DYSF: variants seen among roughly 807,000 people sequenced by gnomAD.
DYSF encodes dystrophy-associated fer-1-like 1.
In DYSF, 212 loss-of-function variants were observed where a neutral mutation model predicts 274.9. The observed-to-expected ratio is 0.77, with a 90% confidence interval of 0.69 to 0.86. DYSF has a LOEUF of 0.86. DYSF is among the 40% of genes least tolerant of loss of function. DYSF has a pLI of 0.00. For missense variants in DYSF, 2,666 were observed against 2,783.2 expected, an observed-to-expected ratio of 0.96 and a Z score of 0.95; for synonymous variants, 1,091 against 1,078.7, an observed-to-expected ratio of 1.01 and a Z score of -0.22.
In DYSF at chr2:71,615,219, G is replaced by A. The variant is rs1161862119; in HGVS notation, c.4464+1809G>A. Among the ~76,000 whole-genome samples, 2 of 152,186 alleles carry A rather than the reference G, an allele frequency of 1.3e-5. No individual in the cohort carries two copies. The highest frequency in any genetic ancestry group is 6.5e-5 in the Admixed American group (1 of 15,282). ...CATGAGGGAACTGGGGCTGGGATCT[G>A]AGCCAGAGCTGGGCCTGTGCTGTTT... On this transcript the variant is annotated intron_variant, in intron 40 of 55. Coordinates refer to ENST00000410020, the MANE Select transcript of DYSF (RefSeq NM_001130987.2). The surrounding 1 kb of genome is among the most constrained non-coding windows in gnomAD (Gnocchi z 4.9).
chr2:71,468,845 C>T (rs186544815), intron 1 of DYSF, among the ~76,000 whole-genome samples: 2 of 152,350 alleles, frequency 1.3e-5, no homozygotes, highest in Admixed American at 1.3e-4. Context: ...GAGCAGTGAC[C>T]TGTCCTATTT....
At chr2:71,589,736 A>G (rs2093195883) in intron 31 of DYSF, 50 bp downstream of exon 31, 10 of 1,514,446 alleles carry the variant, frequency 6.6e-6, no homozygotes, top group Non-Finnish European at 8.3e-6. Context: ...GTGTCACCTT[A>G]TGCTTCTGTT....
At chr2:71,584,012 C>T (rs1430124705) in intron 30 of DYSF, among the ~76,000 whole-genome samples, 7 of 152,216 alleles carry the variant, frequency 4.6e-5, no homozygotes, top group Non-Finnish European at 8.8e-5. Context: ...GGACAAGCAG[C>T]AAGATCCCTT....
chr2:71,566,902 T>C lies in DYSF; in HGVS notation c.2566-1049T>C, dbSNP rs576679687. Among the ~76,000 whole-genome samples, 5 of 152,314 alleles carry C rather than the reference T, an allele frequency of 3.3e-5. No individual in the cohort carries two copies. In the East Asian group the frequency reaches 9.7e-4, roughly 29 times the overall value. On this transcript the variant is annotated intron_variant, in intron 24 of 55. Transcript: ENST00000410020. Reference sequence around the variant, plus strand: ...GTCCTCTGCCCCTTCCTGAGCCTCCTACCTGCCCTGGGCTCTCCCTCCAGG... The same window carrying C: ...GTCCTCTGCCCCTTCCTGAGCCTCCCACCTGCCCTGGGCTCTCCCTCCAGG...
chr2:71,560,860 T>G (rs1573994394), intron 22 of DYSF, among the ~76,000 whole-genome samples: 1 of 149,852 alleles, frequency 6.7e-6, no homozygotes. Context: ...GTCAAGGGGG[T>G]GAGGTGGGGG....
intron 42 of DYSF, among the ~76,000 whole-genome samples, chr2:71,648,859 T>C (rs1468601925): frequency 1.3e-5 from 2 of 152,016 alleles, no homozygotes; most frequent in Non-Finnish European, 2.9e-5. Context: ...TGATATAAGA[T>C]CATCAAAGAA....
intron 27 of DYSF, 89 bp from the exon 28 acceptor site, chr2:71,570,140 A>T (rs2092333941): frequency 1.6e-6 from 2 of 1,242,334 alleles, no homozygotes; most frequent in Non-Finnish European, 2.4e-6. Flanking sequence ...GACTTGGAGG[A>T]CGTATGTTGT....
chr2:71,487,425 G>A (rs1251636754), intron 3 of DYSF, among the ~76,000 whole-genome samples: 2 of 152,140 alleles, frequency 1.3e-5, no homozygotes, highest in Non-Finnish European at 2.9e-5. Flanking sequence ...GCAGGAGTCA[G>A]CACTTTTGGA....
chr2:71,537,720 G>A (rs1259684720), intron 16 of DYSF, among the ~76,000 whole-genome samples: 1 of 152,202 alleles, frequency 6.6e-6, no homozygotes, highest in East Asian at 1.9e-4. Flanking sequence ...GCAGAGATTA[G>A]GGTACCTTGT....
At chr2:71,546,334 G>A (rs569485216) in intron 17 of DYSF, among the ~76,000 whole-genome samples, 1 of 152,336 alleles carries the variant, frequency 6.6e-6, no homozygotes, top group African/African-American at 2.4e-5. Flanking sequence ...AAATGAAACT[G>A]AACTGTAAAA....
chr2:71,677,902 A>G (rs1302192477), intron 52 of DYSF, among the ~76,000 whole-genome samples: 1 of 152,234 alleles, frequency 6.6e-6, no homozygotes, highest in Non-Finnish European at 1.5e-5. Context: ...CGTTCACTGC[A>G]ACATTATTCA....
chr2:71,659,486 A>G (rs915543743), intron 44 of DYSF, among the ~76,000 whole-genome samples: 2 of 152,226 alleles, frequency 1.3e-5, no homozygotes, highest in African/African-American at 4.8e-5. Flanking sequence ...GAGCAGCGTT[A>G]GTGACTGCTA....
chr2:71,492,698 T>TC (rs35861056), intron 3 of DYSF, among the ~76,000 whole-genome samples: 2,801 of 116,208 alleles, frequency 0.024, 52 homozygotes, highest in Non-Finnish European at 0.026. Context: ...TCTCCCTTCC[T>TC]CCCCCCCCCC....
intron 42 of DYSF, among the ~76,000 whole-genome samples, chr2:71,645,755 C>G (rs1470007151): frequency 1.3e-5 from 2 of 152,066 alleles, no homozygotes; most frequent in Non-Finnish European, 2.9e-5. Flanking sequence ...TCAGATTTAA[C>G]TGGAAATTGT....
chr2:71,474,992 C>T (rs1474407668), intron 1 of DYSF, among the ~76,000 whole-genome samples: 1 of 152,150 alleles, frequency 6.6e-6, no homozygotes, highest in Non-Finnish European at 1.5e-5. Flanking sequence ...GAACCCTGTG[C>T]AGCAGACACT....
At chr2:71,637,238 G>T (rs1163830456) in intron 41 of DYSF, among the ~76,000 whole-genome samples, 1 of 152,140 alleles carries the variant, frequency 6.6e-6, no homozygotes, top group African/African-American at 2.4e-5. Flanking sequence ...GGTGACACAG[G>T]AGAGGGTGAG....
intron 3 of DYSF, among the ~76,000 whole-genome samples, chr2:71,500,516 T>C (rs777265136): frequency 3.3e-5 from 5 of 152,062 alleles, no homozygotes; most frequent in African/African-American, 4.8e-5. Context: ...GGCTGCTGTC[T>C]CTTGGGCATC....
chr2:71,543,120 C>T (rs1433849134), intron 17 of DYSF, among the ~76,000 whole-genome samples: 6 of 148,084 alleles, frequency 4.1e-5, no homozygotes, highest in Middle Eastern at 3.5e-3. Flanking sequence ...GGCTGCCGGG[C>T]GGAGGGGCTC....
chr2:71,592,457 G>A (rs2093295153), intron 32 of DYSF, among the ~76,000 whole-genome samples: 1 of 152,240 alleles, frequency 6.6e-6, no homozygotes, highest in African/African-American at 2.4e-5. Flanking sequence ...AGCCAACATG[G>A]GTGAACCTAT....
Sources: allele counts gnomAD v4.1 joint callset (sites outside exome capture counted in the v4.1 genomes callset), GRCh38; gene constraint gnomAD v4.1.1; non-coding constraint Gnocchi (gnomAD v3.1); transcripts MANE v1.5; gene names NCBI Gene and HGNC (gene_info 2026-07-23, HGNC 2026-07-21).